The following PICALM variants were observed in gnomAD, a reference collection of about 807,000 sequenced individuals.
PICALM encodes phosphatidylinositol binding clathrin assembly protein.
In PICALM, 40 loss-of-function variants were observed where a neutral mutation model predicts 80.5. The ratio of observed to expected loss-of-function variants is 0.50; its 90% CI spans 0.39 to 0.65. PICALM has a LOEUF of 0.65. Ranked by LOEUF, PICALM falls within the 30% of genes least tolerant of loss-of-function variation. PICALM has a pLI of 0.00. For synonymous variants in PICALM, 288 were observed against 260.3 expected (o/e 1.11, Z -1.02); for missense variants, 676 against 778.9 (o/e 0.87, Z 1.57).
chr11:86,007,664 G>T (rs577856663), intron 7 of PICALM, 81 bp from the exon 8 acceptor site: 109 of 469,358 alleles, frequency 2.3e-4, no homozygotes, highest in African/African-American at 2.2e-3. Flanking sequence ...ATCACGGCTA[G>T]TACCAGTAAT....
rs182687132 is a variant in PICALM at position 86,015,182 on chromosome 11, C to G, written c.453-219G>C. Among the ~76,000 whole-genome samples the G allele has an allele frequency of 4.9e-3, 749 of 152,048 alleles. No individual in the cohort carries two copies. Among genetic ancestry groups the G allele is most frequent in the Non-Finnish European group, 5.5e-3 (373 of 67,944 alleles). ...CAAATATCAAGGTACTCATTTAGAA[C>G]TAAAAAAGAACATAAAGCATGAGCC... On this transcript the variant is annotated intron_variant, in intron 4 of 19. Transcript: ENST00000393346.
chr11:86,050,049 A>T (rs2096154162), intron 1 of PICALM, among the ~76,000 whole-genome samples: 1 of 151,608 alleles, frequency 6.6e-6, no homozygotes, highest in South Asian at 2.1e-4. Flanking sequence ...AAAATAAAAT[A>T]CAAAAATTAG....
chr11:85,994,847 A>G (rs763935337), intron 12 of PICALM, among the ~76,000 whole-genome samples: 1 of 152,098 alleles, frequency 6.6e-6, no homozygotes, highest in Non-Finnish European at 1.5e-5. Context: ...GAGATGACAG[A>G]TGTGTACCAC....
At chr11:85,971,393 A>T (rs934863286) in intron 19 of PICALM, among the ~76,000 whole-genome samples, 1 of 151,914 alleles carries the variant, frequency 6.6e-6, no homozygotes, top group Admixed American at 6.6e-5. Context: ...TGTTTCTGTG[A>T]AACGGTTATG....
At chr11:86,039,100 GA>G (rs1312596845) in intron 1 of PICALM, among the ~76,000 whole-genome samples, 1 of 95,800 alleles carries the variant, frequency 1.0e-5, no homozygotes, top group Non-Finnish European at 2.0e-5. Context: ...AACAGAGTGA[GA>G]CTCTATCTCA....
intron 1 of PICALM, among the ~76,000 whole-genome samples, chr11:86,040,471 G>A (rs1357035335): frequency 6.6e-6 from 1 of 152,092 alleles, no homozygotes; most frequent in African/African-American, 2.4e-5. Context: ...AAAGTGCTGG[G>A]ATTACTACAG....
At position 86,010,936 on chromosome 11, in the gene PICALM, C is replaced by T. The variant is rs555234037; in HGVS notation, c.765+94G>A. 1.9e-4 allele frequency: 124 copies of T among 664,890 alleles called. No individual in the cohort carries two copies. The Middle Eastern group carries it at 2.3e-3, about 13-fold the overall frequency. The allele number at this position is 664,890 out of a possible 1,614,324, so 41.2% of individuals were successfully genotyped here. A position where few individuals can be genotyped will look rare whatever the true frequency, so the allele number is the denominator to read the frequency against. ...TAATGATTGAATACTAAATTGAAGA[C>T]ATTTATTTTATTTGGATAGTGAGTG... On this transcript the variant is annotated intron_variant, in intron 7 of 19. Transcript: ENST00000393346.
chr11:86,051,918 A>G (rs1258701476), intron 1 of PICALM, among the ~76,000 whole-genome samples: 1 of 152,230 alleles, frequency 6.6e-6, no homozygotes, highest in Admixed American at 6.5e-5. Flanking sequence ...AATAAAGCCA[A>G]TAAGACTATC....
At chr11:86,035,360 G>C (rs1350186590) in intron 1 of PICALM, among the ~76,000 whole-genome samples, 2 of 152,158 alleles carry the variant, frequency 1.3e-5, no homozygotes, top group East Asian at 3.9e-4. Flanking sequence ...CCAGTGGCCT[G>C]TGCCATCAGA....
intron 1 of PICALM, among the ~76,000 whole-genome samples, chr11:86,059,889 G>A (rs1259549299): frequency 1.3e-5 from 2 of 151,766 alleles, no homozygotes; most frequent in Non-Finnish European, 2.9e-5. Flanking sequence ...AAAAGAGAGA[G>A]GACAAATAAT....
intron 1 of PICALM, among the ~76,000 whole-genome samples, chr11:86,055,896 G>A (rs1352031657): frequency 6.6e-6 from 1 of 151,974 alleles, no homozygotes; most frequent in Non-Finnish European, 1.5e-5. Flanking sequence ...AGCATTTTGG[G>A]AGGCCGAGGC....
At position 86,064,547 on chromosome 11, in the gene PICALM, G is replaced by A. The variant is rs192363010; in HGVS notation, c.130+4104C>T. Reference sequence around the variant, plus strand: ...GTGGTAGCAGATGCCTGTGGTCCCAGGTACTCAGAAAGATTGTCTGAACCC... The same window carrying A: ...GTGGTAGCAGATGCCTGTGGTCCCAAGTACTCAGAAAGATTGTCTGAACCC... On this transcript the variant is annotated intron_variant, in intron 1 of 19. Coordinates refer to ENST00000393346, the MANE Select transcript of PICALM (RefSeq NM_007166.4). Among the ~76,000 whole-genome samples the A allele has an allele frequency of 3.0e-3, 451 of 151,268 alleles. 3 individuals carry two copies. Among genetic ancestry groups the A allele is most frequent in the African/African-American group, 0.011 (433 of 41,118 alleles).
chr11:85,990,181 A>T, intron 13 of PICALM, 69 bp downstream of exon 13: 1 of 806,556 alleles, frequency 1.2e-6, no homozygotes, highest in Non-Finnish European at 1.9e-6. Context: ...TAAAATAATT[A>T]ATGGACACGT....
chr11:86,061,330 C>CAAAAAAGAAA (rs2096360474), intron 1 of PICALM, among the ~76,000 whole-genome samples: 1 of 81,176 alleles, frequency 1.2e-5, no homozygotes, highest in African/African-American at 4.7e-5. Context: ...GACTCCATCT[C>CAAAAAAGAAA]AAAAAAAAAA....
At chr11:85,979,573 C>T (rs2094380457) in intron 17 of PICALM, among the ~76,000 whole-genome samples, 1 of 151,530 alleles carries the variant, frequency 6.6e-6, no homozygotes, top group Non-Finnish European at 1.5e-5. Flanking sequence ...AACAAAAAAA[C>T]ACTGCCTTAA....
At chr11:86,052,054 G>C (rs543036996) in intron 1 of PICALM, among the ~76,000 whole-genome samples, 9 of 152,326 alleles carry the variant, frequency 5.9e-5, no homozygotes, top group Non-Finnish European at 1.0e-4. Flanking sequence ...AACTGAAACG[G>C]TTTGGCTCTG....
intron 11 of PICALM, 69 bp from the exon 12 acceptor site, chr11:85,996,998 C>T (rs2094987496): frequency 1.1e-5 from 9 of 797,632 alleles, no homozygotes; most frequent in African/African-American, 8.7e-5. Flanking sequence ...TCACCTTCTC[C>T]ACCCACCACA....
intron 2 of PICALM, among the ~76,000 whole-genome samples, chr11:86,031,192 A>C (rs531853751): frequency 2.3e-4 from 35 of 152,328 alleles, no homozygotes; most frequent in Non-Finnish European, 4.6e-4. Context: ...TATAGTCTAT[A>C]AACAGGACCA....
intron 1 of PICALM, among the ~76,000 whole-genome samples, chr11:86,064,721 AAATATAAATGTCCAACGATAGTAAATAAG>A (rs2096418652): frequency 6.6e-6 from 1 of 152,072 alleles, no homozygotes; most frequent in Non-Finnish European, 1.5e-5. Flanking sequence ...AAATATGTCA[AAATATAAATGTCCAACGATAGTAAATAAG>A]AATAAAGAAA....
Sources: gnomAD v4.1 joint callset for allele counts (sites outside exome capture counted in the v4.1 genomes callset) on GRCh38, gnomAD v4.1.1 for gene constraint, MANE v1.5 for transcripts, NCBI Gene and HGNC (gene_info 2026-07-23, HGNC 2026-07-21) for gene names.